The following DLGAP4 variants were observed in gnomAD, a reference collection of about 807,000 sequenced individuals.
The protein encoded by DLGAP4 is DLG associated protein 4.
In DLGAP4, 18 loss-of-function variants were observed where a neutral mutation model predicts 86.9. The ratio of observed to expected loss-of-function variants is 0.21; its 90% CI spans 0.14 to 0.31. The LOEUF is 0.31. Ranked by LOEUF, DLGAP4 falls within the 10% of genes least tolerant of loss-of-function variation. DLGAP4 has a pLI of 1.00. For missense variants in DLGAP4, 1,085 were observed against 1,362.6 expected, an observed-to-expected ratio of 0.80 and a Z score of 3.21; for synonymous variants, 548 against 574.3, an observed-to-expected ratio of 0.95 and a Z score of 0.65.
chr20:36,440,044 C>A (rs566742165), intron 5 of DLGAP4, among the ~76,000 whole-genome samples, 176 bp downstream of exon 5: 1 of 152,298 alleles, frequency 6.6e-6, no homozygotes, highest in East Asian at 1.9e-4. Context: ...CACCAACTGT[C>A]CTGTGGCTGG....
chr20:36,375,100 C>T (rs1406043074), intron 2 of DLGAP4, among the ~76,000 whole-genome samples: 1 of 152,208 alleles, frequency 6.6e-6, no homozygotes, highest in African/African-American at 2.4e-5. Context: ...GAGGCCAAGC[C>T]GCCTATGTGA....
intron 10 of DLGAP4, among the ~76,000 whole-genome samples, chr20:36,509,959 C>T (rs1387940509): frequency 6.6e-6 from 1 of 151,772 alleles, no homozygotes; most frequent in Non-Finnish European, 1.5e-5. Context: ...CGGGTTCAAG[C>T]GATTCTCTTG....
At chr20:36,319,201 C>T (rs1187739102) in intron 1 of DLGAP4, among the ~76,000 whole-genome samples, 3 of 151,938 alleles carry the variant, frequency 2.0e-5, no homozygotes, top group Non-Finnish European at 2.9e-5. Flanking sequence ...GTCTCAGGCC[C>T]GGAGGGAGGG....
intron 2 of DLGAP4, among the ~76,000 whole-genome samples, chr20:36,397,781 T>A (rs2032042490): frequency 6.6e-6 from 1 of 152,270 alleles, no homozygotes; most frequent in Admixed American, 6.5e-5. Context: ...CTTTTGTTAC[T>A]GCATTGTTTC....
chr20:36,467,069 C>CA (rs2034445117), intron 7 of DLGAP4, among the ~76,000 whole-genome samples: 2 of 129,272 alleles, frequency 1.5e-5, no homozygotes, highest in Non-Finnish European at 3.1e-5. Flanking sequence ...TCTCTCCCCC[C>CA]CCCTTCTCTC....
intron 9 of DLGAP4, 32 bp downstream of exon 9, chr20:36,499,708 C>T: frequency 6.4e-7 from 1 of 1,570,048 alleles, no homozygotes; most frequent in Non-Finnish European, 8.7e-7. Flanking sequence ...GCTGCTTCTC[C>T]CCTCTCCTCT....
At chr20:36,441,956 C>T (rs2033459184) in intron 5 of DLGAP4, among the ~76,000 whole-genome samples, 1 of 152,184 alleles carries the variant, frequency 6.6e-6, no homozygotes, top group African/African-American at 2.4e-5. Context: ...CCACCACCCG[C>T]TGCCCAGTCC....
Position 36,439,639 on chromosome 20 carries a change from G to A in DLGAP4, c.1242-115G>A, listed in dbSNP as rs974305855. 8.9e-5 allele frequency: 75 copies of A among 840,478 alleles called. No individual in the cohort carries two copies. In the African/African-American group the frequency reaches 1.1e-3, roughly 13 times the overall value. 52.1% of individuals were successfully genotyped at this position (840,478 alleles called of 1,614,324 possible). On this transcript the variant is annotated intron_variant, in intron 4 of 12. Transcript: ENST00000339266. ...TACAAGCTGGTGCTGCCACCCTGCG[G>A]CTGCAGCGGGCATCACAGGTGTGGA... is the stretch of plus-strand genomic sequence containing the variant.
chr20:36,432,070 G>T lies in DLGAP4; in HGVS notation c.353G>T (p.Gly118Val), dbSNP rs376003800. The part of the protein sequence containing the change: ...FEKQLPIHRD[G>V]FSTLQFPRGE... Reference sequence around the variant, plus strand: ...AAGCAGCTGCCCATCCACCGTGATGGCTTCAGCACCCTCCAATTTCCCCGT... The same window carrying T: ...AAGCAGCTGCCCATCCACCGTGATGTCTTCAGCACCCTCCAATTTCCCCGT... The change falls in exon 3 of 13, where the codon GGC becomes GTC. Residue 118 changes from glycine (G) to valine (V), a missense_variant. Around this residue, in one of 2 missense-constraint regions of DLGAP4, gnomAD observed 1,082 missense variants for 1,344.1 expected, o/e 0.81. Transcript: ENST00000339266. This position sits in a 1 kb window ranked among gnomAD's most constrained non-coding sequence, Gnocchi z 6.5. 6.2e-7 allele frequency: 1 copy of T among 1,614,150 alleles called. No individual in the cohort carries two copies. The highest frequency in any genetic ancestry group is 8.5e-7 in the Non-Finnish European group (1 of 1,180,046).
At chr20:36,333,489 GC>G (rs2147362847) in intron 1 of DLGAP4, among the ~76,000 whole-genome samples, 1 of 152,222 alleles carries the variant, frequency 6.6e-6, no homozygotes, top group South Asian at 2.1e-4. Flanking sequence ...CCTCTCAGAA[GC>G]CTCCCCTGAC....
chr20:36,396,353 A>ACACACAC (rs2031957428), intron 2 of DLGAP4, among the ~76,000 whole-genome samples: 2 of 133,824 alleles, frequency 1.5e-5, no homozygotes, highest in East Asian at 2.2e-4. Flanking sequence ...ACACACACAC[A>ACACACAC]TACCACACGC....
chr20:36,452,479 C>T (rs1170827684), intron 7 of DLGAP4, among the ~76,000 whole-genome samples: 1 of 151,826 alleles, frequency 6.6e-6, no homozygotes, highest in Non-Finnish European at 1.5e-5. Context: ...GGCACTTGGC[C>T]TAGCTATTTC....
At chr20:36,389,764 G>GA (rs1203561708) in intron 2 of DLGAP4, among the ~76,000 whole-genome samples, 1 of 152,006 alleles carries the variant, frequency 6.6e-6, no homozygotes, top group Non-Finnish European at 1.5e-5. Flanking sequence ...AGTAGACAAA[G>GA]AAAAAAAGGA....
intron 7 of DLGAP4, among the ~76,000 whole-genome samples, chr20:36,484,343 C>A (rs752170775): frequency 6.6e-6 from 1 of 152,314 alleles, no homozygotes; most frequent in East Asian, 1.9e-4. Flanking sequence ...CTAGAAGCAT[C>A]GCTTAACCTC....
At chr20:36,398,439 G>A (rs1405857162) in intron 2 of DLGAP4, among the ~76,000 whole-genome samples, 1 of 152,196 alleles carries the variant, frequency 6.6e-6, no homozygotes, top group African/African-American at 2.4e-5. Context: ...AAATTTGCTA[G>A]GAATCAGGGT....
intron 2 of DLGAP4, among the ~76,000 whole-genome samples, chr20:36,420,654 A>G (rs1456133720): frequency 3.3e-5 from 5 of 152,048 alleles, no homozygotes; most frequent in Non-Finnish European, 5.9e-5. Flanking sequence ...CCTGGGCAAC[A>G]TGGGGAAACC....
intron 1 of DLGAP4, among the ~76,000 whole-genome samples, chr20:36,329,186 A>G (rs1555891280): frequency 6.6e-6 from 1 of 152,182 alleles, no homozygotes; most frequent in African/African-American, 2.4e-5. Flanking sequence ...CTGGGATTAC[A>G]TGCGTGAGTC....
chr20:36,468,256 A>G (rs1281408604), intron 7 of DLGAP4, among the ~76,000 whole-genome samples: 2 of 152,162 alleles, frequency 1.3e-5, no homozygotes, highest in Admixed American at 1.3e-4. Flanking sequence ...GGTCTGTTGG[A>G]ATTCTCAGCC....
Position 36,404,106 on chromosome 20 carries a change from A to C in DLGAP4, c.-72-27540A>C, listed in dbSNP as rs551580692. On this transcript the variant is annotated intron_variant, in intron 2 of 12. Coordinates refer to ENST00000339266, the MANE Select transcript of DLGAP4 (RefSeq NM_001365621.2). Reference sequence around the variant, plus strand: ...ACCATTCAAGGCTGTGAATACCAGGAGACGAGACTCATCAGGGGACACCTT... The same window carrying C: ...ACCATTCAAGGCTGTGAATACCAGGCGACGAGACTCATCAGGGGACACCTT... Among the ~76,000 whole-genome samples, 15 of 152,356 alleles carry C rather than the reference A, an allele frequency of 9.8e-5. No individual in the cohort carries two copies. The South Asian group carries it at 3.1e-3, about 32-fold the overall frequency.
Sources: allele counts gnomAD v4.1 joint callset (sites outside exome capture counted in the v4.1 genomes callset), GRCh38; gene constraint gnomAD v4.1.1; regional missense constraint gnomAD v4.1.1; non-coding constraint Gnocchi (gnomAD v3.1); transcripts MANE v1.5; gene names NCBI Gene and HGNC (gene_info 2026-07-23, HGNC 2026-07-21).